METAP1D: variants seen among roughly 807,000 people sequenced by gnomAD.
METAP1D encodes the protein methionyl aminopeptidase type 1D, mitochondrial.
Under a neutral mutation model 40.5 loss-of-function variants are expected in METAP1D, and 31 were observed. That is an observed-to-expected ratio of 0.77 (90% CI 0.58 to 1.03). The LOEUF (loss-of-function observed/expected upper bound fraction) is 1.03, where lower values mean the gene tolerates loss of function less well. METAP1D is among the 50% of genes least tolerant of loss of function. The probability of loss-of-function intolerance (pLI) is 0.00; values close to 1 mark genes in which losing one functional copy is unlikely to be tolerated. For synonymous variants in METAP1D, 151 were observed against 146.4 expected (o/e 1.03, Z -0.22); for missense variants, 411 against 420.7 (o/e 0.98, Z 0.20).
At chr2:172,063,592 G>T in intron 2 of METAP1D, 119 bp from the exon 3 acceptor site, 2 of 776,530 alleles carry the variant, frequency 2.6e-6, no homozygotes, top group African/African-American at 3.5e-5. Flanking sequence ...GCTGGCTTCG[G>T]AGGTCGGTGC....
At chr2:172,017,996 A>G (rs1370946778) in intron 1 of METAP1D, among the ~76,000 whole-genome samples, 2 of 151,752 alleles carry the variant, frequency 1.3e-5, no homozygotes, top group Non-Finnish European at 2.9e-5. Context: ...GTGTGGTGGC[A>G]GGCACCTGTA....
At chr2:172,060,122 A>G (rs1690104409) in intron 1 of METAP1D, among the ~76,000 whole-genome samples, 1 of 152,146 alleles carries the variant, frequency 6.6e-6, no homozygotes, top group Non-Finnish European at 1.5e-5. Context: ...AAATGAATCA[A>G]AATGTCTTCC....
chr2:172,064,010 T>A, intron 3 of METAP1D, 150 bp downstream of exon 3: 1 of 1,025,042 alleles, frequency 9.8e-7, no homozygotes, highest in Non-Finnish European at 1.3e-6. Flanking sequence ...AAAAATTAAG[T>A]AAAGCCTTGG....
At chr2:172,010,669 T>G (rs536130235) in intron 1 of METAP1D, among the ~76,000 whole-genome samples, 1 of 151,680 alleles carries the variant, frequency 6.6e-6, no homozygotes, top group East Asian at 1.9e-4. Flanking sequence ...GTTTTTGTAT[T>G]TTTAGTAAGA....
intron 1 of METAP1D, among the ~76,000 whole-genome samples, chr2:172,036,257 C>G (rs1339016339): frequency 1.4e-5 from 2 of 146,220 alleles, no homozygotes; most frequent in Non-Finnish European, 3.0e-5. Flanking sequence ...GCGGAGCTTG[C>G]AGAGAGCCGA....
intron 1 of METAP1D, among the ~76,000 whole-genome samples, chr2:172,018,126 C>CA (rs34937813): frequency 4.0e-3 from 308 of 76,536 alleles, no homozygotes; most frequent in Middle Eastern, 7.7e-3. Flanking sequence ...GACTCTGTCT[C>CA]AAAAAAAAAA....
At chr2:172,026,378 C>T (rs908226659) in intron 1 of METAP1D, among the ~76,000 whole-genome samples, 6 of 152,144 alleles carry the variant, frequency 3.9e-5, no homozygotes, top group African/African-American at 9.7e-5. Flanking sequence ...TCACAGATAG[C>T]GTCTTGTACA....
At chr2:172,004,677 A>G (rs1688538464) in intron 1 of METAP1D, among the ~76,000 whole-genome samples, 1 of 152,184 alleles carries the variant, frequency 6.6e-6, no homozygotes, top group Non-Finnish European at 1.5e-5. Context: ...GGTGATTTGG[A>G]AAATGCTAAC....
chr2:172,032,893 T>C (rs1330809333), intron 1 of METAP1D, among the ~76,000 whole-genome samples: 1 of 151,998 alleles, frequency 6.6e-6, no homozygotes, highest in Non-Finnish European at 1.5e-5. Flanking sequence ...AAACCCCATC[T>C]CTACTAAAAA....
At chr2:172,036,579 A>T (rs1392187991) in intron 1 of METAP1D, among the ~76,000 whole-genome samples, 5 of 151,446 alleles carry the variant, frequency 3.3e-5, no homozygotes, top group African/African-American at 1.2e-4. Context: ...GTTAGCCAGG[A>T]TGGTCTCGAT....
intron 1 of METAP1D, among the ~76,000 whole-genome samples, chr2:172,036,100 T>A (rs368341458): frequency 2.0e-5 from 3 of 152,010 alleles, no homozygotes; most frequent in South Asian, 2.1e-4. Flanking sequence ...GGCGGATCAC[T>A]AGGTCAGGAG....
chr2:172,079,352 A>G, intron 8 of METAP1D, 90 bp downstream of exon 8: 1 of 1,149,034 alleles, frequency 8.7e-7, no homozygotes, highest in East Asian at 2.3e-5. Flanking sequence ...TGAAGGACCA[A>G]TAAAGCCAAT....
At chr2:172,078,284 T>C (rs1281801038) in intron 7 of METAP1D, among the ~76,000 whole-genome samples, 1 of 152,204 alleles carries the variant, frequency 6.6e-6, no homozygotes, top group East Asian at 1.9e-4. Context: ...CTGCTGACTG[T>C]TGTGGTTAAA....
intron 1 of METAP1D, among the ~76,000 whole-genome samples, chr2:172,055,794 A>G (rs1349359478): frequency 6.6e-6 from 1 of 152,236 alleles, no homozygotes; most frequent in African/African-American, 2.4e-5. Flanking sequence ...AAATTGCTGA[A>G]TACAGTGTAG....
chr2:172,018,638 G>C (rs780314317), intron 1 of METAP1D, among the ~76,000 whole-genome samples: 1 of 152,112 alleles, frequency 6.6e-6, no homozygotes, highest in Non-Finnish European at 1.5e-5. Flanking sequence ...ACTGGAGAAG[G>C]CTAGCAACAT....
At chr2:172,009,470 T>A (rs1395430456) in intron 1 of METAP1D, among the ~76,000 whole-genome samples, 1 of 147,892 alleles carries the variant, frequency 6.8e-6, no homozygotes, top group African/African-American at 2.4e-5. Context: ...TTCGGGTCAT[T>A]ATATGGGTTA....
At chr2:172,009,037 TTTTC>T (rs1250330553) in intron 1 of METAP1D, among the ~76,000 whole-genome samples, 3 of 151,270 alleles carry the variant, frequency 2.0e-5, no homozygotes, top group African/African-American at 7.3e-5. Context: ...ATTTCTGGAA[TTTTC>T]TTTCTTTTTT....
chr2:172,043,441 T>A (rs1347172439), intron 1 of METAP1D, among the ~76,000 whole-genome samples: 1 of 133,064 alleles, frequency 7.5e-6, no homozygotes, highest in African/African-American at 2.5e-5. Context: ...TGGTCACGAC[T>A]CACTAACCTC....
At chr2:172,030,369 G>C (rs1409274500) in intron 1 of METAP1D, among the ~76,000 whole-genome samples, 1 of 152,084 alleles carries the variant, frequency 6.6e-6, no homozygotes, top group Non-Finnish European at 1.5e-5. Context: ...TGGGATTACA[G>C]GCGTGAGCCA....
Sources: gnomAD v4.1 joint callset for allele counts (sites outside exome capture counted in the v4.1 genomes callset) on GRCh38, gnomAD v4.1.1 for gene constraint, MANE v1.5 for transcripts, NCBI Gene and HGNC (gene_info 2026-07-23, HGNC 2026-07-21) for gene names.